VSNL1: variants seen among roughly 807,000 people sequenced by gnomAD.
VSNL1 encodes the protein visinin like 1, also known as visinin-like protein 1.
A neutral mutation model predicts 20.4 loss-of-function variants in VSNL1; 6 were observed. The ratio of observed to expected loss-of-function variants is 0.29; its 90% CI spans 0.16 to 0.58. The LOEUF is 0.58. VSNL1 is among the 20% of genes least tolerant of loss of function. The pLI is 0.90. For missense variants in VSNL1, 100 were observed against 234.5 expected (o/e 0.43, Z 3.75); for synonymous variants, 93 against 86.4 (o/e 1.08, Z -0.42).
In VSNL1 at chr2:17,655,250, C is replaced by T; in HGVS notation, c.432C>T (p.Gly144=). 1 of 1,614,086 alleles carries T rather than the reference C, an allele frequency of 6.2e-7. No homozygotes were observed. Among genetic ancestry groups the T allele is most frequent in the Non-Finnish European group, 8.5e-7 (1 of 1,180,020 alleles). Residue 144 remains glycine, a synonymous_variant, in exon 4 of 4, where the codon GGC becomes GGT. Coordinates refer to ENST00000295156, the MANE Select transcript of VSNL1 (RefSeq NM_003385.5). This position sits in a 1 kb window ranked among gnomAD's most constrained non-coding sequence, Gnocchi z 5.2. The part of the protein sequence containing the change: ...TVIMMKMNED[G]LTPEQRVDKI... ...TCATGATGAAAATGAATGAGGATGG[C>T]CTGACGCCTGAGCAGCGAGTAGACA...
chr2:17,552,725 A>T (rs1558279508), intron 1 of VSNL1, among the ~76,000 whole-genome samples: 1 of 151,950 alleles, frequency 6.6e-6, no homozygotes, highest in East Asian at 1.9e-4. Flanking sequence ...TCTCCTAAGT[A>T]TTTTTTTTAA....
At chr2:17,548,985 G>A (rs1003699619) in intron 1 of VSNL1, among the ~76,000 whole-genome samples, 3 of 152,122 alleles carry the variant, frequency 2.0e-5, no homozygotes, top group Non-Finnish European at 4.4e-5. Context: ...TGATTCTGTG[G>A]TGCTCTTCAT....
At chr2:17,641,090 T>C (rs938477101) in intron 2 of VSNL1, among the ~76,000 whole-genome samples, 1 of 152,246 alleles carries the variant, frequency 6.6e-6, no homozygotes, top group Non-Finnish European at 1.5e-5. Context: ...CTAATTGAGA[T>C]GCAGCCAGGC....
In VSNL1 at chr2:17,583,811, C is replaced by T. The variant is rs367740617; in HGVS notation, c.-5-8259C>T. Among the ~76,000 whole-genome samples the T allele has an allele frequency of 3.9e-5, 6 of 152,164 alleles. No homozygotes were observed. The South Asian group carries it at 1.0e-3, about 26-fold the overall frequency. ...TTCCCTATGTTTCACAATTTGTGTACGTCTGTTTACATGTGCCAGGCTCGG... is the reference window on the plus strand; with the variant it reads ...TTCCCTATGTTTCACAATTTGTGTATGTCTGTTTACATGTGCCAGGCTCGG... On this transcript the variant is annotated intron_variant, in intron 1 of 3. Coordinates refer to ENST00000295156, the MANE Select transcript of VSNL1 (RefSeq NM_003385.5).
At chr2:17,578,376 A>G (rs191277966) in intron 1 of VSNL1, among the ~76,000 whole-genome samples, 127 of 152,338 alleles carry the variant, frequency 8.3e-4, no homozygotes, top group African/African-American at 2.9e-3. Flanking sequence ...AGGTTCAAAC[A>G]TAGGATTGTT....
At chr2:17,561,861 G>A (rs1427858087) in intron 1 of VSNL1, among the ~76,000 whole-genome samples, 3 of 152,316 alleles carry the variant, frequency 2.0e-5, no homozygotes, top group South Asian at 2.1e-4. Context: ...TCCACACCAA[G>A]TATCTATTCT....
At chr2:17,572,842 A>G (rs1558286049) in intron 1 of VSNL1, among the ~76,000 whole-genome samples, 2 of 152,218 alleles carry the variant, frequency 1.3e-5, no homozygotes, top group Non-Finnish European at 2.9e-5. Context: ...TCCACTGCAA[A>G]GGTTGCTTCT....
chr2:17,558,667 A>C (rs1261762352), intron 1 of VSNL1, among the ~76,000 whole-genome samples: 1 of 152,196 alleles, frequency 6.6e-6, no homozygotes, highest in East Asian at 1.9e-4. Flanking sequence ...GTCTCCCTGT[A>C]ATAGTCAATA....
chr2:17,549,171 A>G (rs1446092706), intron 1 of VSNL1, among the ~76,000 whole-genome samples: 1 of 152,214 alleles, frequency 6.6e-6, no homozygotes, highest in East Asian at 1.9e-4. Context: ...TTTGTTTATC[A>G]CATAAATGGT....
At chr2:17,552,483 A>T (rs1412645286) in intron 1 of VSNL1, among the ~76,000 whole-genome samples, 4 of 152,200 alleles carry the variant, frequency 2.6e-5, no homozygotes, top group Admixed American at 2.0e-4. Flanking sequence ...GGGAAAGCGT[A>T]CATATTTGGA....
At chr2:17,579,319 G>A (rs1343778019) in intron 1 of VSNL1, among the ~76,000 whole-genome samples, 3 of 152,124 alleles carry the variant, frequency 2.0e-5, no homozygotes, top group East Asian at 1.9e-4. Flanking sequence ...GTTTCACTGT[G>A]TTATCCAGGA....
intron 2 of VSNL1, among the ~76,000 whole-genome samples, chr2:17,643,267 A>G (rs1352125635): frequency 2.6e-5 from 4 of 152,120 alleles, no homozygotes; most frequent in Non-Finnish European, 5.9e-5. Context: ...TTTTGGACTC[A>G]CCATTTCTAA....
intron 2 of VSNL1, among the ~76,000 whole-genome samples, chr2:17,595,327 C>T (rs894334463): frequency 6.6e-6 from 1 of 152,166 alleles, no homozygotes; most frequent in African/African-American, 2.4e-5. Flanking sequence ...ATGGGACAGT[C>T]CTGCCTGCCC....
chr2:17,615,926 A>G lies in VSNL1; in HGVS notation c.162+23690A>G, dbSNP rs562672402. Among the ~76,000 whole-genome samples, 20 of 152,344 alleles carry G rather than the reference A, an allele frequency of 1.3e-4. No individual in the cohort carries two copies. The South Asian group carries it at 4.1e-3, about 32-fold the overall frequency. On this transcript the variant is annotated intron_variant, in intron 2 of 3. Coordinates refer to ENST00000295156, the MANE Select transcript of VSNL1 (RefSeq NM_003385.5). ...AGGAAATAATAATGAAAAGCAAGAA[A>G]CAAGATCATCATGATTCATTTTAGT...
At chr2:17,551,615 T>C (rs1185149644) in intron 1 of VSNL1, among the ~76,000 whole-genome samples, 1 of 152,116 alleles carries the variant, frequency 6.6e-6, no homozygotes, top group Non-Finnish European at 1.5e-5. Context: ...GGTATGGGTA[T>C]TAGAAGAAAT....
At chr2:17,608,226 G>A (rs997921985) in intron 2 of VSNL1, among the ~76,000 whole-genome samples, 2 of 152,190 alleles carry the variant, frequency 1.3e-5, no homozygotes, top group Non-Finnish European at 2.9e-5. Flanking sequence ...AGACAAAGTT[G>A]GTCTCTGAAA....
chr2:17,637,298 G>A (rs1665775282), intron 2 of VSNL1, among the ~76,000 whole-genome samples: 1 of 152,208 alleles, frequency 6.6e-6, no homozygotes, highest in African/African-American at 2.4e-5. Flanking sequence ...TCAAGACTAA[G>A]GGCTGCTATG....
intron 1 of VSNL1, among the ~76,000 whole-genome samples, chr2:17,566,623 A>G (rs1294707944): frequency 2.0e-5 from 3 of 152,176 alleles, no homozygotes; most frequent in East Asian, 1.9e-4. Flanking sequence ...ACTATTTGTT[A>G]TATACATTGC....
chr2:17,578,902 T>C lies in VSNL1; in HGVS notation c.-5-13168T>C, dbSNP rs374396604. ...CATTCCTCTCGTAACCTTTGGTAAATACGTTCTTTCCATCCAGCTTCCAAA... is the reference window on the plus strand; with the variant it reads ...CATTCCTCTCGTAACCTTTGGTAAACACGTTCTTTCCATCCAGCTTCCAAA... On this transcript the variant is annotated intron_variant, in intron 1 of 3. Coordinates refer to ENST00000295156, the MANE Select transcript of VSNL1 (RefSeq NM_003385.5). Among the ~76,000 whole-genome samples, 19 of 152,286 alleles carry C rather than the reference T, an allele frequency of 1.2e-4. No homozygotes were observed. In the East Asian group the frequency reaches 2.1e-3, roughly 17 times the overall value.
Sources: allele counts gnomAD v4.1 joint callset (sites outside exome capture counted in the v4.1 genomes callset), GRCh38; gene constraint gnomAD v4.1.1; non-coding constraint Gnocchi (gnomAD v3.1); transcripts MANE v1.5; gene names NCBI Gene and HGNC (gene_info 2026-07-23, HGNC 2026-07-21).